Variants in POLQ observed in about 807,000 individuals in gnomAD.
POLQ encodes the protein DNA polymerase theta.
In POLQ, 233 loss-of-function variants were observed where a neutral mutation model predicts 259.2. The observed-to-expected ratio is 0.90, with a 90% CI of 0.81 to 1.00. POLQ has a LOEUF of 1.00. Among genes scored for constraint, POLQ ranks in the 50% least tolerant of loss-of-function variants. POLQ has a pLI of 0.00. For missense variants in POLQ, 2,871 were observed against 3,051.6 expected, an observed-to-expected ratio of 0.94 and a Z score of 1.39; for synonymous variants, 1,025 against 1,048.8, an observed-to-expected ratio of 0.98 and a Z score of 0.44.
At chr3:121,504,020 TTTTTGTATTTTGTAA>T (rs1177244326) in intron 12 of POLQ, among the ~76,000 whole-genome samples, 1 of 152,148 alleles carries the variant, frequency 6.6e-6, no homozygotes, top group African/African-American at 2.4e-5. Flanking sequence ...GCCCAGCTAA[TTTTTGTATTTTGTAA>T]TTTTGTATTT....
rs1459740189 is a variant in POLQ, at chr3:121,489,503, C to T, written c.3428G>A (p.Ser1143Asn). The T allele has an allele frequency of 6.2e-7, 1 of 1,614,002 alleles. No homozygotes were observed. The highest frequency in any genetic ancestry group is 1.7e-5 in the Admixed American group (1 of 60,012). Residue 1143 changes from serine (S) to asparagine (N), a missense_variant, in exon 16 of 30, where the codon AGT becomes AAT. Ser to Asn is a conservative substitution (Grantham distance 46, BLOSUM62 1). Transcript: ENST00000264233. ...AGTGGCCTGACAAGTCACATTTTTA[C>T]TCTGAGATCCTGTGACAATATGCTC... ...FVEHIVTGSQ[S>N]KNVTCQATSV...
chr3:121,539,330 G>A (rs1445193533), intron 4 of POLQ, 103 bp downstream of exon 4: 6 of 863,722 alleles, frequency 6.9e-6, no homozygotes, highest in South Asian at 1.7e-5. Context: ...GTAGATAATA[G>A]ACAATAGGAA....
intron 7 of POLQ, among the ~76,000 whole-genome samples, chr3:121,525,012 C>T (rs1372524175): frequency 1.3e-5 from 2 of 151,808 alleles, no homozygotes; most frequent in South Asian, 4.2e-4. Flanking sequence ...AACACAGAAA[C>T]CCCCAGTCAA....
intron 25 of POLQ, among the ~76,000 whole-genome samples, chr3:121,450,224 C>T (rs1404263507): frequency 1.3e-5 from 2 of 152,076 alleles, no homozygotes; most frequent in African/African-American, 4.8e-5. Context: ...ATAAAGCAAG[C>T]TCTGTATAAA....
At chr3:121,451,405 C>T (rs538306154) in intron 25 of POLQ, among the ~76,000 whole-genome samples, 1 of 152,278 alleles carries the variant, frequency 6.6e-6, no homozygotes, top group South Asian at 2.1e-4. Flanking sequence ...TGTTTTTTCC[C>T]CATCTTAGTG....
At chr3:121,484,758 C>G (rs112075554) in intron 17 of POLQ, among the ~76,000 whole-genome samples, 1 of 151,884 alleles carries the variant, frequency 6.6e-6, no homozygotes. Flanking sequence ...CAAAATTAGC[C>G]GGCGCAGTGG....
intron 9 of POLQ, among the ~76,000 whole-genome samples, chr3:121,513,665 C>T (rs764868750): frequency 1.4e-5 from 2 of 143,902 alleles, no homozygotes; most frequent in Non-Finnish European, 3.0e-5. Context: ...GTTTAGGAGG[C>T]TTTACTACCC....
chr3:121,532,333 C>T (rs952778305), intron 6 of POLQ, among the ~76,000 whole-genome samples: 4 of 152,118 alleles, frequency 2.6e-5, no homozygotes, highest in African/African-American at 9.7e-5. Flanking sequence ...AAAAGTTAAT[C>T]TTGCACACTA....
chr3:121,510,199 A>C lies in POLQ; in HGVS notation c.1656T>G (p.Thr552=). The part of the protein sequence containing the change: ...GVASTSQDMH[T]YAACTFLAAS... ...CAGCCAAAAATGTGCAGGCAGCATA[A>C]GTATGCATATCTTGTGATGTACTTG... The change falls in exon 11 of 30, where the codon ACT becomes ACG. Residue 552 remains threonine, a synonymous_variant. Coordinates refer to ENST00000264233, the MANE Select transcript of POLQ (RefSeq NM_199420.4). The C allele has an allele frequency of 6.2e-7, 1 of 1,613,670 alleles. No individual in the cohort carries two copies. The highest frequency in any genetic ancestry group is 8.5e-7 in the Non-Finnish European group (1 of 1,179,532).
At position 121,512,506 on chromosome 3, in the gene POLQ, C is replaced by G. The variant is rs898306786; in HGVS notation, c.1469-477G>C. Reference sequence around the variant, plus strand: ...CTCACAATTTGTTGCCCCTAGAAGCCCAGATACCTTTTCCTTTTTCTTGTT... The same window carrying G: ...CTCACAATTTGTTGCCCCTAGAAGCGCAGATACCTTTTCCTTTTTCTTGTT... On this transcript the variant is annotated intron_variant, in intron 9 of 29. Coordinates refer to ENST00000264233, the MANE Select transcript of POLQ (RefSeq NM_199420.4). Among the ~76,000 whole-genome samples the G allele has an allele frequency of 3.3e-5, 5 of 152,176 alleles. No individual in the cohort carries two copies. The East Asian group carries it at 9.6e-4, about 29-fold the overall frequency.
intron 25 of POLQ, among the ~76,000 whole-genome samples, chr3:121,450,971 G>A (rs1032738864): frequency 1.3e-5 from 2 of 152,000 alleles, no homozygotes; most frequent in East Asian, 3.9e-4. Context: ...CCTATTTCTT[G>A]GAGGCTTTGT....
intron 5 of POLQ, among the ~76,000 whole-genome samples, chr3:121,535,730 AAAAG>A (rs1339556447): frequency 2.0e-5 from 3 of 151,530 alleles, no homozygotes; most frequent in Admixed American, 6.6e-5. Context: ...AAAAAAAAAA[AAAAG>A]AAAGAATTAT....
intron 7 of POLQ, among the ~76,000 whole-genome samples, chr3:121,529,219 A>C (rs944760060): frequency 1.3e-5 from 2 of 152,290 alleles, no homozygotes; most frequent in East Asian, 1.9e-4. Flanking sequence ...TCAAGGGTCA[A>C]CTTATACATA....
chr3:121,440,157 C>T (rs752983580), intron 26 of POLQ, 41 bp from the exon 27 acceptor site: 1 of 1,512,024 alleles, frequency 6.6e-7, no homozygotes, highest in East Asian at 2.3e-5. Context: ...GAACCAAAGT[C>T]TATCCTTCAC....
At chr3:121,442,968 C>T (rs947441973) in intron 26 of POLQ, among the ~76,000 whole-genome samples, 2 of 152,156 alleles carry the variant, frequency 1.3e-5, no homozygotes, top group African/African-American at 2.4e-5. Flanking sequence ...AAGCAATTCT[C>T]CTGCCTTAGC....
chr3:121,522,691 T>A (rs1422688960), intron 7 of POLQ, among the ~76,000 whole-genome samples: 1 of 152,136 alleles, frequency 6.6e-6, no homozygotes, highest in Non-Finnish European at 1.5e-5. Flanking sequence ...GACCTGGACA[T>A]GAAGAATTTT....
At chr3:121,544,554 AC>A (rs1282985301) in intron 2 of POLQ, among the ~76,000 whole-genome samples, 172 bp downstream of exon 2, 1 of 151,708 alleles carries the variant, frequency 6.6e-6, no homozygotes, top group African/African-American at 2.4e-5. Context: ...AAACAATAAA[AC>A]TTTTGTAATT....
At chr3:121,494,344 G>A (rs1396524001) in intron 14 of POLQ, 5 of 1,597,622 alleles carry the variant, frequency 3.1e-6, no homozygotes, top group Admixed American at 1.7e-5. Flanking sequence ...TGCCTCCTGC[G>A]ATTAACCAGT....
intron 3 of POLQ, among the ~76,000 whole-genome samples, chr3:121,539,850 C>A (rs1414830721): frequency 6.6e-6 from 1 of 152,086 alleles, no homozygotes; most frequent in Non-Finnish European, 1.5e-5. Flanking sequence ...CTTCTAAGAG[C>A]TATTTAGAGG....
Sources: gnomAD v4.1 joint callset for allele counts (sites outside exome capture counted in the v4.1 genomes callset) on GRCh38, gnomAD v4.1.1 for gene constraint, MANE v1.5 for transcripts, NCBI Gene and HGNC (gene_info 2026-07-23, HGNC 2026-07-21) for gene names.